The following PPP3CA variants were observed in gnomAD, a reference collection of about 807,000 sequenced individuals.
The protein encoded by PPP3CA is protein phosphatase 3 catalytic subunit alpha, also known as CAM-PRP catalytic subunit.
Under a neutral mutation model 66.5 loss-of-function variants are expected in PPP3CA, and 14 were observed. The ratio of observed to expected loss-of-function variants is 0.21; its 90% CI spans 0.14 to 0.33. PPP3CA has a LOEUF of 0.33. Ranked by LOEUF, PPP3CA falls within the 10% of genes least tolerant of loss-of-function variation. The pLI is 1.00. For synonymous variants in PPP3CA, 232 were observed against 226.2 expected (o/e 1.03, Z -0.23); for missense variants, 317 against 639.5 (o/e 0.50, Z 5.44).
intron 1 of PPP3CA, among the ~76,000 whole-genome samples, chr4:101,208,559 C>T (rs1725209938): frequency 6.6e-6 from 1 of 152,084 alleles, no homozygotes; most frequent in South Asian, 2.1e-4. Context: ...AGGGGATATC[C>T]GTGATGGTAT....
intron 11 of PPP3CA, among the ~76,000 whole-genome samples, chr4:101,036,035 C>T (rs55705218): frequency 0.054 from 8,289 of 152,116 alleles, 793 homozygotes; most frequent in African/African-American, 0.19. Flanking sequence ...CATGACTAGT[C>T]GAATTAAGAT....
In PPP3CA at chr4:101,314,519, G is replaced by A. The variant is rs113500930; in HGVS notation, c.58+32220C>T. ...GCGGAGCTTGCAGTGAGCAGAGATCGCGCCACTGCACTCCAGCCTGGGTGA... is the reference window on the plus strand; with the variant it reads ...GCGGAGCTTGCAGTGAGCAGAGATCACGCCACTGCACTCCAGCCTGGGTGA... On this transcript the variant is annotated intron_variant, in intron 1 of 13. Transcript: ENST00000394854. Among the ~76,000 whole-genome samples, 21 of 137,106 alleles carry A rather than the reference G, an allele frequency of 1.5e-4. 1 individual carries two copies. Among genetic ancestry groups the A allele is most frequent in the African/African-American group, 4.3e-4 (15 of 35,292 alleles). 89.9% of individuals were successfully genotyped at this position (137,106 alleles called of 152,430 possible).
At chr4:101,044,802 T>C (rs1295242644) in intron 10 of PPP3CA, among the ~76,000 whole-genome samples, 2 of 152,216 alleles carry the variant, frequency 1.3e-5, no homozygotes, top group Non-Finnish European at 2.9e-5. Context: ...TTAATACATA[T>C]CCTTCTTGCC....
At chr4:101,255,853 C>G (rs3804416) in intron 1 of PPP3CA, among the ~76,000 whole-genome samples, 82,129 of 151,752 alleles carry the variant, frequency 0.54, 26,832 homozygotes, top group Non-Finnish European at 0.74. Flanking sequence ...ACTGTTGGTT[C>G]TGTGTTAATG....
intron 10 of PPP3CA, among the ~76,000 whole-genome samples, chr4:101,051,785 A>G (rs1429444043): frequency 6.6e-6 from 1 of 152,166 alleles, no homozygotes; most frequent in African/African-American, 2.4e-5. Context: ...TTAGATATGC[A>G]ATAGCTAATG....
At chr4:101,305,232 T>C (rs1371012335) in intron 1 of PPP3CA, among the ~76,000 whole-genome samples, 1 of 152,190 alleles carries the variant, frequency 6.6e-6, no homozygotes, top group Admixed American at 6.5e-5. Context: ...AACTGCCTGG[T>C]TTTCAGGCGG....
intron 10 of PPP3CA, among the ~76,000 whole-genome samples, chr4:101,051,370 CTTGCAG>C (rs1728002353): frequency 6.6e-6 from 1 of 152,132 alleles, no homozygotes; most frequent in African/African-American, 2.4e-5. Flanking sequence ...TCACAACTCT[CTTGCAG>C]TTGTTCCATC....
chr4:101,230,668 G>GT (rs1725932012), intron 1 of PPP3CA, among the ~76,000 whole-genome samples: 1 of 151,566 alleles, frequency 6.6e-6, no homozygotes, highest in African/African-American at 2.4e-5. Context: ...TTACCTGCCT[G>GT]TAATAGCACC....
intron 2 of PPP3CA, among the ~76,000 whole-genome samples, chr4:101,135,471 T>G (rs900283824): frequency 4.6e-5 from 7 of 152,172 alleles, no homozygotes; most frequent in African/African-American, 1.4e-4. Flanking sequence ...AAACACTGTT[T>G]TATAAGAAAA....
At position 101,025,911 on chromosome 4, in the gene PPP3CA, G is replaced by A. The variant is rs374275483; in HGVS notation, c.1520C>T (p.Thr507Ile). 6.3e-7 allele frequency: 1 copy of A among 1,579,942 alleles called. No homozygotes were observed. The highest frequency in any genetic ancestry group is 8.6e-7 in the Non-Finnish European group (1 of 1,159,414). The part of the protein sequence containing the change: ...NSINKALTSE[T>I]NGTDSNGSNS... Reference sequence around the variant, plus strand: ...ACTGCCATTGCTGTCCGTGCCGTTAGTCTCTGAGGTGAGAGCCTTGTTGAT... The same window carrying A: ...ACTGCCATTGCTGTCCGTGCCGTTAATCTCTGAGGTGAGAGCCTTGTTGAT... Residue 507 changes from threonine to isoleucine, a missense_variant, in exon 14 of 14, where the codon ACT (threonine) becomes ATT (isoleucine). By Grantham distance (89) the Thr-to-Ile change is moderately conservative (BLOSUM62 -1). This residue lies in a region of PPP3CA where 40 missense variants were observed against 38.6 expected (regional missense o/e 1.04). Transcript: ENST00000394854.
chr4:101,025,843 AAAAAAAG>A lies in PPP3CA; in HGVS notation c.*15_*21del. On this transcript the variant is annotated 3_prime_UTR_variant, in exon 14 of 14. Transcript: ENST00000394854. ...CTCAAAAAAAAAAAAAAAAAAAAAA[AAAAAAAG>A]TGAACAGGAAGTGGTCACTGAATAT... The A allele has an allele frequency of 7.0e-7, 1 of 1,423,784 alleles. No homozygotes were observed. The highest frequency in any genetic ancestry group is 1.5e-5 in the African/African-American group (1 of 68,584). The allele number at this position is 1,423,784 out of a possible 1,614,324, so 88.2% of individuals were successfully genotyped here.
intron 10 of PPP3CA, among the ~76,000 whole-genome samples, chr4:101,047,868 A>G (rs1727836167): frequency 6.6e-6 from 1 of 152,112 alleles, no homozygotes; most frequent in African/African-American, 2.4e-5. Flanking sequence ...AATTATTATT[A>G]TAGATAGTTC....
chr4:101,309,014 C>A (rs1728633659), intron 1 of PPP3CA, among the ~76,000 whole-genome samples: 1 of 152,090 alleles, frequency 6.6e-6, no homozygotes, highest in Non-Finnish European at 1.5e-5. Flanking sequence ...GTGGTCTTAG[C>A]TACTTGCGAG....
chr4:101,332,308 G>A (rs1004864024), intron 1 of PPP3CA, among the ~76,000 whole-genome samples: 1 of 152,240 alleles, frequency 6.6e-6, no homozygotes, highest in African/African-American at 2.4e-5. Flanking sequence ...ACATGAGACT[G>A]CCTAGAGAAA....
intron 1 of PPP3CA, among the ~76,000 whole-genome samples, chr4:101,250,088 G>A (rs1049178240): frequency 3.3e-5 from 5 of 152,032 alleles, no homozygotes; most frequent in African/African-American, 9.7e-5. Flanking sequence ...AGTGCTTCGT[G>A]GTTCAGTTTT....
intron 2 of PPP3CA, among the ~76,000 whole-genome samples, chr4:101,109,308 T>TAAAAAAAAAAAAAAAAAAAA (rs70961775): frequency 3.3e-5 from 3 of 90,034 alleles, no homozygotes; most frequent in Non-Finnish European, 6.6e-5. Flanking sequence ...ACAGATTAAC[T>TAAAAAAAAAAAAAAAAAAAA]AAAAAAAAAA....
chr4:101,033,619 T>G (rs2110206571), intron 11 of PPP3CA, among the ~76,000 whole-genome samples: 1 of 152,324 alleles, frequency 6.6e-6, no homozygotes, highest in East Asian at 1.9e-4. Flanking sequence ...TCTCTTTTGA[T>G]AACAGCTTTT....
intron 2 of PPP3CA, among the ~76,000 whole-genome samples, chr4:101,143,124 T>C (rs1205891077): frequency 6.6e-6 from 1 of 152,170 alleles, no homozygotes; most frequent in Non-Finnish European, 1.5e-5. Flanking sequence ...TGGGCTGGGA[T>C]CCACATTCTC....
At chr4:101,114,094 C>T (rs1721766160) in intron 2 of PPP3CA, among the ~76,000 whole-genome samples, 1 of 152,066 alleles carries the variant, frequency 6.6e-6, no homozygotes, top group Non-Finnish European at 1.5e-5. Context: ...TACCCAAATA[C>T]TTATGATGTT....
Sources: allele counts gnomAD v4.1 joint callset (sites outside exome capture counted in the v4.1 genomes callset), GRCh38; gene constraint gnomAD v4.1.1; regional missense constraint gnomAD v4.1.1; transcripts MANE v1.5; gene names NCBI Gene and HGNC (gene_info 2026-07-23, HGNC 2026-07-21).